Variants in TAFA1 observed in about 807,000 individuals in gnomAD.
TAFA1 encodes TAFA chemokine like family member 1.
In TAFA1, 4 loss-of-function variants were observed where a neutral mutation model predicts 18.5. That is an observed-to-expected ratio of 0.22 (90% confidence interval 0.11 to 0.49). TAFA1 has a LOEUF of 0.49. Ranked by LOEUF, TAFA1 falls within the 20% of genes least tolerant of loss-of-function variation. TAFA1 has a pLI of 0.98. For synonymous variants in TAFA1, 56 were observed against 55.2 expected, an observed-to-expected ratio of 1.01 and a Z score of -0.06; for missense variants, 147 against 169.0, an observed-to-expected ratio of 0.87 and a Z score of 0.72.
chr3:68,184,560 A>G (rs529859548), intron 2 of TAFA1, among the ~76,000 whole-genome samples: 1 of 152,266 alleles, frequency 6.6e-6, no homozygotes, highest in East Asian at 1.9e-4. Flanking sequence ...GAAATGCTAC[A>G]TAGGTAATTT....
intron 2 of TAFA1, among the ~76,000 whole-genome samples, chr3:68,070,661 C>G (rs1009650392): frequency 1.3e-5 from 2 of 152,250 alleles, no homozygotes; most frequent in African/African-American, 2.4e-5. Context: ...CTTTTATGCT[C>G]TGTTTCCCTT....
intron 2 of TAFA1, among the ~76,000 whole-genome samples, chr3:68,170,355 A>C (rs2066037005): frequency 6.6e-6 from 1 of 152,152 alleles, no homozygotes; most frequent in African/African-American, 2.4e-5. Flanking sequence ...GTTTTTATAC[A>C]ATCTGACTGA....
chr3:68,023,216 G>A (rs1704736574), intron 2 of TAFA1, among the ~76,000 whole-genome samples: 1 of 152,028 alleles, frequency 6.6e-6, no homozygotes, highest in South Asian at 2.1e-4. Context: ...TGATGCTATG[G>A]TAACCAATCA....
At chr3:68,080,951 A>G (rs887322965) in intron 2 of TAFA1, among the ~76,000 whole-genome samples, 3 of 152,104 alleles carry the variant, frequency 2.0e-5, no homozygotes, top group African/African-American at 7.2e-5. Flanking sequence ...CAGGTACACC[A>G]ATCAGACGTA....
chr3:68,111,723 T>C (rs995275444), intron 2 of TAFA1, among the ~76,000 whole-genome samples: 1 of 151,808 alleles, frequency 6.6e-6, no homozygotes, highest in Admixed American at 6.6e-5. Context: ...TCAAAAAGTG[T>C]ATTATAATTC....
intron 2 of TAFA1, among the ~76,000 whole-genome samples, chr3:68,270,851 C>A (rs2067652147): frequency 6.6e-6 from 1 of 152,100 alleles, no homozygotes; most frequent in South Asian, 2.1e-4. Flanking sequence ...ACCTGGGGGG[C>A]ATTTAGCATA....
chr3:68,115,446 G>A (rs2065313514), intron 2 of TAFA1, among the ~76,000 whole-genome samples: 1 of 152,142 alleles, frequency 6.6e-6, no homozygotes, highest in African/African-American at 2.4e-5. Context: ...TCATTTTGGG[G>A]TGCTAAGTGT....
chr3:68,357,298 A>C (rs571990110), intron 2 of TAFA1, among the ~76,000 whole-genome samples: 13 of 152,052 alleles, frequency 8.5e-5, no homozygotes, highest in African/African-American at 2.9e-4. Context: ...AAGAAAAGCA[A>C]GTATTCATTA....
chr3:68,482,144 G>A (rs2072249954), intron 3 of TAFA1, among the ~76,000 whole-genome samples: 2 of 152,186 alleles, frequency 1.3e-5, no homozygotes, highest in African/African-American at 2.4e-5. Context: ...CTGAGTAGCT[G>A]GGACTACAGG....
At chr3:68,172,773 G>T (rs935862876) in intron 2 of TAFA1, among the ~76,000 whole-genome samples, 1 of 152,006 alleles carries the variant, frequency 6.6e-6, no homozygotes, top group East Asian at 1.9e-4. Context: ...TCACCAAAGG[G>T]CGCATAATAG....
chr3:68,369,814 GA>G (rs1241425380), intron 2 of TAFA1, among the ~76,000 whole-genome samples: 2 of 151,894 alleles, frequency 1.3e-5, no homozygotes, highest in South Asian at 4.2e-4. Flanking sequence ...CATTCTATTA[GA>G]AAAAAACCAG....
chr3:68,386,850 A>G (rs2070115709), intron 2 of TAFA1, among the ~76,000 whole-genome samples: 1 of 152,126 alleles, frequency 6.6e-6, no homozygotes, highest in Admixed American at 6.6e-5. Flanking sequence ...TTTTTGAAAT[A>G]TATTATATGC....
chr3:68,447,459 A>C (rs9310080), intron 3 of TAFA1, among the ~76,000 whole-genome samples: 66,634 of 151,968 alleles, frequency 0.44, 15,375 homozygotes, highest in African/African-American at 0.54. Context: ...TCACTTGCTC[A>C]GGATCCACTC....
At chr3:68,403,457 G>A (rs6790243) in intron 2 of TAFA1, among the ~76,000 whole-genome samples, 2,371 of 152,318 alleles carry the variant, frequency 0.016, 71 homozygotes, top group African/African-American at 0.048. Flanking sequence ...AGCAGGCACC[G>A]TCTAAAACGG....
At chr3:68,187,241 G>A (rs543266795) in intron 2 of TAFA1, among the ~76,000 whole-genome samples, 168 of 151,904 alleles carry the variant, frequency 1.1e-3, no homozygotes, top group Non-Finnish European at 2.0e-3. Context: ...TTTGTGTTTA[G>A]GGGAGTATAG....
At chr3:68,016,136 C>G (rs1211313716) in intron 2 of TAFA1, among the ~76,000 whole-genome samples, 2 of 152,104 alleles carry the variant, frequency 1.3e-5, no homozygotes, top group South Asian at 2.1e-4. Context: ...TGGGTTAACC[C>G]TGTAGTCTGT....
intron 2 of TAFA1, among the ~76,000 whole-genome samples, chr3:68,259,247 C>T (rs2067360025): frequency 6.6e-6 from 1 of 152,128 alleles, no homozygotes; most frequent in South Asian, 2.1e-4. Flanking sequence ...GCTTTACTTT[C>T]CTTTTCAATT....
intron 3 of TAFA1, among the ~76,000 whole-genome samples, chr3:68,487,457 A>G (rs767618501): frequency 3.9e-5 from 6 of 152,132 alleles, no homozygotes; most frequent in Non-Finnish European, 7.4e-5. Context: ...TAAAATTTCT[A>G]TGACTGTTGG....
intron 1 of TAFA1, 66 bp from the exon 2 acceptor site, chr3:68,006,558 A>G (rs1704361504): frequency 9.0e-6 from 9 of 998,074 alleles, no homozygotes; most frequent in Non-Finnish European, 1.3e-5. Context: ...TTCCCTCATC[A>G]GTGGGGCTGA....
Sources: allele counts gnomAD v4.1 joint callset (sites outside exome capture counted in the v4.1 genomes callset), GRCh38; gene constraint gnomAD v4.1.1; transcripts MANE v1.5; gene names NCBI Gene and HGNC (gene_info 2026-07-23, HGNC 2026-07-21).